The following GALNTL6 variants were observed in gnomAD, a reference collection of about 807,000 sequenced individuals.
GALNTL6 encodes polypeptide N-acetylgalactosaminyltransferase-like 6.
In GALNTL6, 46 loss-of-function variants were observed where a neutral mutation model predicts 73.7. The observed-to-expected ratio is 0.62, with a 90% CI of 0.49 to 0.80. The LOEUF (loss-of-function observed/expected upper bound fraction) is 0.80. GALNTL6 is among the 30% of genes least tolerant of loss of function. The probability of loss-of-function intolerance (pLI) is 0.00; values close to 1 mark genes in which losing one functional copy is unlikely to be tolerated. For synonymous variants in GALNTL6, 259 were observed against 263.7 expected (o/e 0.98, Z 0.17); for missense variants, 604 against 755.0 (o/e 0.80, Z 2.34).
intron 2 of GALNTL6, among the ~76,000 whole-genome samples, chr4:172,203,083 C>T (rs1363925508): frequency 1.3e-5 from 2 of 152,044 alleles, no homozygotes; most frequent in African/African-American, 2.4e-5. Context: ...GTACATTTGG[C>T]TAAATAAAAA....
intron 2 of GALNTL6, among the ~76,000 whole-genome samples, chr4:171,925,505 G>A (rs532253105): frequency 6.6e-6 from 1 of 152,194 alleles, no homozygotes; most frequent in African/African-American, 2.4e-5. Context: ...AAAAAACTAG[G>A]TGTCTAAGAC....
chr4:171,841,659 G>A (rs1171256519), intron 2 of GALNTL6, among the ~76,000 whole-genome samples: 1 of 151,890 alleles, frequency 6.6e-6, no homozygotes, highest in Non-Finnish European at 1.5e-5. Context: ...CATGATATAA[G>A]CAGTAGTAAT....
chr4:172,378,706 TTAA>T (rs1227297255), intron 5 of GALNTL6, among the ~76,000 whole-genome samples: 23 of 152,204 alleles, frequency 1.5e-4, no homozygotes, highest in African/African-American at 4.8e-5. Flanking sequence ...TCATAAATTA[TTAA>T]TAATATACAA....
intron 5 of GALNTL6, among the ~76,000 whole-genome samples, chr4:172,557,644 A>G (rs1297160326): frequency 6.6e-6 from 1 of 152,196 alleles, no homozygotes; most frequent in African/African-American, 2.4e-5. Context: ...AAAATTACTC[A>G]ATACCATTAG....
chr4:171,965,246 T>C (rs1385795), intron 2 of GALNTL6, among the ~76,000 whole-genome samples: 1 of 152,210 alleles, frequency 6.6e-6, no homozygotes, highest in Non-Finnish European at 1.5e-5. Context: ...ATCATTAGTA[T>C]GCCAAATAAA....
At chr4:171,942,828 A>C (rs1198720069) in intron 2 of GALNTL6, among the ~76,000 whole-genome samples, 3 of 152,224 alleles carry the variant, frequency 2.0e-5, no homozygotes, top group Non-Finnish European at 4.4e-5. Flanking sequence ...GTTGTTTGAA[A>C]GGGTGCCTTG....
At chr4:172,311,828 A>G (rs1428417752) in intron 4 of GALNTL6, 76 bp downstream of exon 4, 3 of 1,007,644 alleles carry the variant, frequency 3.0e-6, no homozygotes, top group Admixed American at 2.9e-5. Flanking sequence ...TTAAATGTGT[A>G]TCACTGCGAG....
At chr4:172,958,411 T>C (rs1468916947) in intron 10 of GALNTL6, among the ~76,000 whole-genome samples, 1 of 151,742 alleles carries the variant, frequency 6.6e-6, no homozygotes, top group East Asian at 1.9e-4. Context: ...AGGGTGGGGG[T>C]AGTCTCTAAA....
chr4:172,314,310 G>A (rs188479110), intron 4 of GALNTL6, among the ~76,000 whole-genome samples: 3 of 152,092 alleles, frequency 2.0e-5, no homozygotes, highest in Admixed American at 2.0e-4. Context: ...AGAGTGCTAG[G>A]AGGGAAGAGT....
chr4:172,350,742 A>G (rs1388352206), intron 5 of GALNTL6, among the ~76,000 whole-genome samples: 1 of 152,146 alleles, frequency 6.6e-6, no homozygotes, highest in Non-Finnish European at 1.5e-5. Flanking sequence ...AATTATATAA[A>G]CTAGGAAAGA....
chr4:172,775,176 C>A (rs1220585664), intron 5 of GALNTL6, among the ~76,000 whole-genome samples: 1 of 151,944 alleles, frequency 6.6e-6, no homozygotes, highest in Non-Finnish European at 1.5e-5. Flanking sequence ...TATAGTTGTA[C>A]AACTATTATT....
At chr4:173,024,272 C>T (rs935632876) in intron 12 of GALNTL6, among the ~76,000 whole-genome samples, 3 of 152,182 alleles carry the variant, frequency 2.0e-5, no homozygotes, top group African/African-American at 7.2e-5. Context: ...CTCTTCTCAG[C>T]TTTTTGTAGC....
At chr4:172,605,751 A>G (rs1421409143) in intron 5 of GALNTL6, among the ~76,000 whole-genome samples, 1 of 152,130 alleles carries the variant, frequency 6.6e-6, no homozygotes, top group Non-Finnish European at 1.5e-5. Context: ...CTGGGTTCTT[A>G]TCTCACAACC....
At chr4:172,530,681 A>G (rs1040199729) in intron 5 of GALNTL6, among the ~76,000 whole-genome samples, 7 of 152,332 alleles carry the variant, frequency 4.6e-5, no homozygotes, top group Middle Eastern at 6.8e-3. Flanking sequence ...AATTTTGCAT[A>G]TGTGAATGAT....
At chr4:172,360,129 A>G (rs140886089) in intron 5 of GALNTL6, among the ~76,000 whole-genome samples, 2 of 152,326 alleles carry the variant, frequency 1.3e-5, no homozygotes, top group East Asian at 1.9e-4. Flanking sequence ...AAAATGATCT[A>G]TGACTCAAAA....
chr4:171,814,143 C>T (rs538068638), intron 1 of GALNTL6, among the ~76,000 whole-genome samples, 153 bp downstream of exon 1: 1 of 152,150 alleles, frequency 6.6e-6, no homozygotes, highest in Non-Finnish European at 1.5e-5. Context: ...CGCTCCACCC[C>T]GACCCAGCCC....
chr4:172,254,161 C>T (rs1370396307), intron 3 of GALNTL6, among the ~76,000 whole-genome samples: 3 of 151,758 alleles, frequency 2.0e-5, no homozygotes, highest in Non-Finnish European at 4.4e-5. Flanking sequence ...TACATAGGAT[C>T]ATAGCTGCAT....
intron 5 of GALNTL6, among the ~76,000 whole-genome samples, chr4:172,601,018 A>G (rs555662336): frequency 1.6e-4 from 24 of 152,290 alleles, no homozygotes; most frequent in African/African-American, 5.8e-4. Context: ...AATGATTGGA[A>G]GATGAAATTG....
intron 5 of GALNTL6, among the ~76,000 whole-genome samples, chr4:172,788,289 C>T (rs528976333): frequency 1.8e-4 from 27 of 152,248 alleles, no homozygotes; most frequent in Admixed American, 1.2e-3. Flanking sequence ...CATTTGAGCC[C>T]GGGAGTTTAA....
Sources: allele counts gnomAD v4.1 joint callset (sites outside exome capture counted in the v4.1 genomes callset), GRCh38; gene constraint gnomAD v4.1.1; transcripts MANE v1.5; gene names NCBI Gene and HGNC (gene_info 2026-07-23, HGNC 2026-07-21).